Variants in STX16 observed in about 807,000 individuals in gnomAD.
The protein encoded by STX16 is syntaxin-16.
A neutral mutation model predicts 42.7 loss-of-function variants in STX16; 28 were observed. That is an observed-to-expected ratio of 0.66 (90% CI 0.49 to 0.90). The LOEUF (loss-of-function observed/expected upper bound fraction) is 0.90, where lower values mean the gene tolerates loss of function less well. Ranked by LOEUF, STX16 falls within the 40% of genes least tolerant of loss-of-function variation. The pLI is 0.00. For missense variants in STX16, 361 were observed against 420.9 expected (o/e 0.86, Z 1.24); for synonymous variants, 156 against 155.2 (o/e 1.00, Z -0.04).
intron 2 of STX16, among the ~76,000 whole-genome samples, chr20:58,665,153 C>T (rs1400955295): frequency 6.6e-6 from 1 of 152,186 alleles, no homozygotes; most frequent in African/African-American, 2.4e-5. Context: ...GAGGAATAAA[C>T]AAGTCTGCCT....
chr20:58,652,027 C>A lies in STX16; in HGVS notation c.21C>A (p.Thr7=), dbSNP rs764450970. Reference sequence around the variant, plus strand: ...GAGACATGGCCACCAGGCGTTTAACCGACGCTTTCTTGTTGTTGCGGAATA... The same window carrying A: ...GAGACATGGCCACCAGGCGTTTAACAGACGCTTTCTTGTTGTTGCGGAATA... MATRRL[T]DAFLLLRNNS... Residue 7 remains threonine, a synonymous_variant, in exon 1 of 9, where the codon ACC becomes ACA. Transcript: ENST00000371141. 3.7e-6 allele frequency: 6 copies of A among 1,614,152 alleles called. No individual in the cohort carries two copies. In the South Asian group the frequency reaches 6.6e-5, roughly 18 times the overall value.
At chr20:58,668,272 C>T in intron 4 of STX16, 145 bp downstream of exon 4, 1 of 1,040,214 alleles carries the variant, frequency 9.6e-7, no homozygotes, top group Non-Finnish European at 1.4e-6. Flanking sequence ...CTGAAGTCCT[C>T]CAGCTGTCAG....
chr20:58,671,428 G>A lies in STX16; in HGVS notation c.792+131G>A, dbSNP rs34865822. ...ACATGTGTGTGCACCTGTCCTTTAT[G>A]TGTGTGTGGGTGTGTGTGTGTGTGT... is the stretch of plus-strand genomic sequence containing the variant. On this transcript the variant is annotated intron_variant, in intron 7 of 8. Coordinates refer to ENST00000371141, the MANE Select transcript of STX16 (RefSeq NM_001001433.3). 172,716 of 429,496 alleles carry A rather than the reference G, an allele frequency of 0.4. 35,404 individuals are homozygous for A. Among genetic ancestry groups the A allele is most frequent in the Middle Eastern group, 0.49 (734 of 1,494 alleles). The allele number at this position is 429,496 out of a possible 1,614,324, so 26.6% of individuals were successfully genotyped here.
chr20:58,655,738 AC>A (rs1387228177), intron 1 of STX16, among the ~76,000 whole-genome samples: 1 of 152,094 alleles, frequency 6.6e-6, no homozygotes. Flanking sequence ...CAGCCTTGTT[AC>A]CCAGAATTCT....
chr20:58,657,272 T>G lies in STX16; in HGVS notation c.133-2351T>G, dbSNP rs1172913811. Among the ~76,000 whole-genome samples the G allele has an allele frequency of 6.6e-6, 1 of 152,252 alleles. No homozygotes were observed. The highest frequency in any genetic ancestry group is 1.5e-5 in the Non-Finnish European group (1 of 68,046). On this transcript the variant is annotated intron_variant, in intron 1 of 8. Coordinates refer to ENST00000371141, the MANE Select transcript of STX16 (RefSeq NM_001001433.3). The surrounding 1 kb of genome is among the most constrained non-coding windows in gnomAD (Gnocchi z 4.2). ...GTTCTCTGTCTTTAGAATCCAAGTA[T>G]GAAATCATTATATATTTCTCTTTAG...
At chr20:58,671,110 G>T (rs1447179449) in intron 6 of STX16, 44 bp from the exon 7 acceptor site, 1 of 1,549,312 alleles carries the variant, frequency 6.5e-7, no homozygotes, top group Non-Finnish European at 8.8e-7. Context: ...GCTTTCCTGA[G>T]AGGGAAAACA....
At chr20:58,655,370 G>C (rs1270901777) in intron 1 of STX16, among the ~76,000 whole-genome samples, 2 of 152,158 alleles carry the variant, frequency 1.3e-5, no homozygotes, top group African/African-American at 4.8e-5. Flanking sequence ...GAAAAAACTA[G>C]AATTTGGTTG....
intron 1 of STX16, among the ~76,000 whole-genome samples, chr20:58,653,657 A>G (rs770326387): frequency 5.3e-5 from 8 of 152,256 alleles, no homozygotes; most frequent in East Asian, 1.9e-4. Context: ...GATGAATTCA[A>G]TTCCTTAATG....
At chr20:58,670,306 G>A (rs1311920809) in intron 5 of STX16, among the ~76,000 whole-genome samples, 1 of 152,138 alleles carries the variant, frequency 6.6e-6, no homozygotes, top group Admixed American at 6.5e-5. Flanking sequence ...CTTTTGTCTT[G>A]AGTAATCCCA....
intron 1 of STX16, among the ~76,000 whole-genome samples, chr20:58,652,985 G>A (rs1489212042): frequency 6.6e-6 from 1 of 152,024 alleles, no homozygotes; most frequent in Non-Finnish European, 1.5e-5. Flanking sequence ...CCCTTTCTGA[G>A]CCTCAGTTTA....
chr20:58,652,263 A>G (rs1199613143), intron 1 of STX16, 125 bp downstream of exon 1: 9 of 1,395,136 alleles, frequency 6.5e-6, no homozygotes, highest in East Asian at 2.6e-5. Context: ...AAGAATAATA[A>G]GATCTCTTGG....
At chr20:58,667,712 A>C (rs2083870096) in intron 3 of STX16, 115 bp downstream of exon 3, 1 of 1,009,604 alleles carries the variant, frequency 9.9e-7, no homozygotes, top group African/African-American at 1.6e-5. Flanking sequence ...TATTTCTAGA[A>C]ATACTTTAGC....
intron 1 of STX16, among the ~76,000 whole-genome samples, chr20:58,654,312 C>T (rs2083540445): frequency 6.6e-6 from 1 of 152,012 alleles, no homozygotes; most frequent in Non-Finnish European, 1.5e-5. Flanking sequence ...CATAGTTTGC[C>T]TGAATTCAAA....
intron 7 of STX16, among the ~76,000 whole-genome samples, chr20:58,672,092 G>A (rs1342010100): frequency 6.6e-6 from 1 of 152,042 alleles, no homozygotes; most frequent in Non-Finnish European, 1.5e-5. Flanking sequence ...CAGCACTTTG[G>A]GGGGCTGAGG....
At chr20:58,659,834 A>G (rs1304518870) in intron 2 of STX16, among the ~76,000 whole-genome samples, 200 bp downstream of exon 2, 1 of 152,234 alleles carries the variant, frequency 6.6e-6, no homozygotes, top group Admixed American at 6.5e-5. Flanking sequence ...ATGATTTAAA[A>G]AAGGCTTTGG....
At chr20:58,671,449 T>TGG in intron 7 of STX16, 152 bp downstream of exon 7, 1 of 420,186 alleles carries the variant, frequency 2.4e-6, no homozygotes, top group South Asian at 7.0e-5. Flanking sequence ...TGTGTGTGTG[T>TGG]GTGTGTGTGT....
rs574441315 is a variant in STX16 at position 58,657,672 on chromosome 20, G to C, written c.133-1951G>C. Among the ~76,000 whole-genome samples, 299 of 152,276 alleles carry C rather than the reference G, an allele frequency of 2.0e-3. 1 individual carries two copies. The highest frequency in any genetic ancestry group is 3.1e-3 in the Non-Finnish European group (213 of 68,006). ...ATGTGTAGTAACGTGTTTTCATTTGGCTTTATTTTGGTCTTTCTTGATGGT... is the reference window on the plus strand; with the variant it reads ...ATGTGTAGTAACGTGTTTTCATTTGCCTTTATTTTGGTCTTTCTTGATGGT... On this transcript the variant is annotated intron_variant, in intron 1 of 8. Transcript: ENST00000371141. This position sits in a 1 kb window ranked among gnomAD's most constrained non-coding sequence, Gnocchi z 4.2.
At chr20:58,653,262 T>C (rs1271206116) in intron 1 of STX16, among the ~76,000 whole-genome samples, 1 of 152,238 alleles carries the variant, frequency 6.6e-6, no homozygotes, top group East Asian at 1.9e-4. Context: ...CAGTTTATTT[T>C]TTTCTTTATG....
At chr20:58,668,750 C>T (rs1005788299) in intron 4 of STX16, among the ~76,000 whole-genome samples, 1 of 151,670 alleles carries the variant, frequency 6.6e-6, no homozygotes, top group Non-Finnish European at 1.5e-5. Context: ...AATCATAGTA[C>T]CATCCTCATA....
Sources: gnomAD v4.1 joint callset for allele counts (sites outside exome capture counted in the v4.1 genomes callset) on GRCh38, gnomAD v4.1.1 for gene constraint, Gnocchi (gnomAD v3.1) non-coding constraint, MANE v1.5 for transcripts, NCBI Gene and HGNC (gene_info 2026-07-23, HGNC 2026-07-21) for gene names.